Variants in CNTLN observed in about 807,000 individuals in gnomAD.
CNTLN encodes the protein centlein, centrosomal protein.
CNTLN carries 212 observed loss-of-function variants against 180.0 expected under a neutral mutation model. The ratio of observed to expected loss-of-function variants is 1.18; its 90% CI spans 1.05 to 1.32. The LOEUF is 1.32. CNTLN is among the 40% of genes most tolerant of loss of function. The pLI is 0.00. For synonymous variants in CNTLN, 722 were observed against 563.1 expected (o/e 1.28, Z -3.99); for missense variants, 2,095 against 1,610.9 (o/e 1.30, Z -5.14).
chr9:17,300,213 C>T (rs991190388), intron 7 of CNTLN: 1 of 152,084 alleles, frequency 6.6e-6, no homozygotes, highest in Non-Finnish European at 1.5e-5. Context: ...CTGAAATGCT[C>T]CAATGAGCAT....
chr9:17,341,129 CTA>C (rs1821449813), intron 11 of CNTLN, among the ~76,000 whole-genome samples, 181 bp downstream of exon 11: 2 of 152,184 alleles, frequency 1.3e-5, no homozygotes, highest in Middle Eastern at 3.4e-3. Context: ...TTGGTAATAA[CTA>C]TAGATTTTCC....
intron 13 of CNTLN, among the ~76,000 whole-genome samples, chr9:17,378,402 A>G (rs1304890121): frequency 2.0e-5 from 3 of 151,956 alleles, no homozygotes. Flanking sequence ...GATGGTCTCG[A>G]TCTCCTGATC....
intron 13 of CNTLN, among the ~76,000 whole-genome samples, chr9:17,387,584 A>G (rs1344497135): frequency 6.6e-6 from 1 of 152,106 alleles, no homozygotes; most frequent in African/African-American, 2.4e-5. Flanking sequence ...TGTAGCTATA[A>G]CCTCACCCAT....
chr9:17,505,829 T>C (rs555947062), downstream of CNTLN, among the ~76,000 whole-genome samples: 15 of 152,210 alleles, frequency 9.9e-5, no homozygotes, highest in South Asian at 1.2e-3. Flanking sequence ...TAAGTAAAAC[T>C]AAGAGCATAA....
chr9:17,516,485 C>G, the CNTLN span, among the ~76,000 whole-genome samples: 1 of 152,174 alleles, frequency 6.6e-6, no homozygotes. Flanking sequence ...TAACTTTATA[C>G]CCTTAGGTTC....
At chr9:17,227,191 G>GCCC (rs1824527474) in intron 3 of CNTLN, among the ~76,000 whole-genome samples, 1 of 151,688 alleles carries the variant, frequency 6.6e-6, no homozygotes, top group Non-Finnish European at 1.5e-5. Flanking sequence ...CCCCTCACCA[G>GCCC]CCCCCACTTT....
In CNTLN at chr9:17,366,724, T is replaced by C; in HGVS notation, c.1987+7T>C. On this transcript the variant is annotated splice_region_variant and intron_variant, in intron 13 of 25. Coordinates refer to ENST00000380647, the MANE Select transcript of CNTLN (RefSeq NM_017738.4). The stretch of plus-strand genomic sequence containing the variant: ...GTGGCAGAGAGAAGAGAAGGTAAAT[T>C]TTCAGAAAATAAATACTTAACAGAG... 6.9e-7 allele frequency: 1 copy of C among 1,441,262 alleles called. No homozygotes were observed. The highest frequency in any genetic ancestry group is 1.2e-5 in the South Asian group (1 of 81,674). 89.3% of individuals were successfully genotyped at this position (1,441,262 alleles called of 1,614,324 possible). A position where few individuals can be genotyped will look rare whatever the true frequency, so the allele number is the denominator to read the frequency against.
chr9:17,230,093 C>G (rs1824716865), intron 3 of CNTLN, among the ~76,000 whole-genome samples: 1 of 152,170 alleles, frequency 6.6e-6, no homozygotes, highest in Non-Finnish European at 1.5e-5. Flanking sequence ...GGACTGTGTA[C>G]AGCCAGACAA....
chr9:17,243,453 A>G (rs1825615615), intron 5 of CNTLN, among the ~76,000 whole-genome samples: 1 of 152,148 alleles, frequency 6.6e-6, no homozygotes, highest in South Asian at 2.1e-4. Context: ...TTCTTACAGC[A>G]TAAAATTTGC....
chr9:17,261,929 C>G (rs762450294), intron 5 of CNTLN, among the ~76,000 whole-genome samples: 1 of 151,618 alleles, frequency 6.6e-6, no homozygotes, highest in African/African-American at 2.4e-5. Flanking sequence ...TGAACAGACA[C>G]TTCTCCTTCA....
intron 19 of CNTLN, among the ~76,000 whole-genome samples, chr9:17,461,831 A>G (rs371771791): frequency 2.0e-5 from 3 of 151,840 alleles, no homozygotes; most frequent in African/African-American, 7.2e-5. Flanking sequence ...TGAGTGTGGA[A>G]AAACTAAATA....
At chr9:17,433,815 A>C (rs1032540514) in intron 18 of CNTLN, among the ~76,000 whole-genome samples, 1 of 152,136 alleles carries the variant, frequency 6.6e-6, no homozygotes, top group South Asian at 2.1e-4. Flanking sequence ...ACCTGGCCTC[A>C]AGCAGTCCTC....
At chr9:17,270,836 T>C (rs1035691265) in intron 5 of CNTLN, among the ~76,000 whole-genome samples, 15 of 152,084 alleles carry the variant, frequency 9.9e-5, no homozygotes, top group Non-Finnish European at 2.1e-4. Context: ...AAATTTAGAA[T>C]GTGTAATATA....
intron 3 of CNTLN, 133 bp from the exon 4 acceptor site, chr9:17,235,525 A>T: frequency 2.9e-6 from 2 of 689,398 alleles, no homozygotes; most frequent in Non-Finnish European, 4.7e-6. Flanking sequence ...GGAGATGAGA[A>T]TTGTGGTGAC....
intron 12 of CNTLN, among the ~76,000 whole-genome samples, chr9:17,364,634 A>G (rs1293973665): frequency 6.6e-6 from 1 of 151,924 alleles, no homozygotes; most frequent in African/African-American, 2.4e-5. Flanking sequence ...GGGCAGTGGG[A>G]TATTTAGACT....
At chr9:17,234,063 A>G (rs1824982730) in intron 3 of CNTLN, among the ~76,000 whole-genome samples, 1 of 152,178 alleles carries the variant, frequency 6.6e-6, no homozygotes, top group Admixed American at 6.5e-5. Flanking sequence ...AAAATTATTT[A>G]CACACTGATC....
At chr9:17,255,509 T>C (rs11791463) in intron 5 of CNTLN, among the ~76,000 whole-genome samples, 39,204 of 151,758 alleles carry the variant, frequency 0.26, 5,197 homozygotes, top group South Asian at 0.37. Context: ...TTTGTATGTT[T>C]CAATTCCCCT....
intron 6 of CNTLN, among the ~76,000 whole-genome samples, chr9:17,291,583 C>T (rs1412501419): frequency 6.6e-6 from 1 of 151,964 alleles, no homozygotes; most frequent in African/African-American, 2.4e-5. Flanking sequence ...CTTTTTTGAT[C>T]CCTGTTGGTT....
chr9:17,481,290 T>C (rs1169821161), intron 23 of CNTLN, among the ~76,000 whole-genome samples: 2 of 152,124 alleles, frequency 1.3e-5, no homozygotes, highest in Admixed American at 6.5e-5. Flanking sequence ...GTTACCTCAA[T>C]TGATCATGGA....
Sources: gnomAD v4.1 joint callset for allele counts (sites outside exome capture counted in the v4.1 genomes callset) on GRCh38, gnomAD v4.1.1 for gene constraint, MANE v1.5 for transcripts, NCBI Gene and HGNC (gene_info 2026-07-23, HGNC 2026-07-21) for gene names.